WNK1: variants seen among roughly 807,000 people sequenced by gnomAD.
The protein encoded by WNK1 is serine/threonine-protein kinase WNK1.
WNK1 carries 38 observed loss-of-function variants against 222.8 expected under a neutral mutation model. The observed-to-expected ratio is 0.17, with a 90% CI of 0.13 to 0.22. The LOEUF (loss-of-function observed/expected upper bound fraction) is 0.22, where lower values mean the gene tolerates loss of function less well. Ranked by LOEUF, WNK1 falls within the 10% of genes least tolerant of loss-of-function variation. The pLI, the probability that WNK1 is intolerant of heterozygous loss-of-function variation, is 1.00. For missense variants in WNK1, 2,348 were observed against 2,918.4 expected, an observed-to-expected ratio of 0.80 and a Z score of 4.50; for synonymous variants, 1,090 against 1,092.9, an observed-to-expected ratio of 1.00 and a Z score of 0.05.
chr12:843,798 G>A (rs1433966347), intron 4 of WNK1, among the ~76,000 whole-genome samples: 1 of 152,104 alleles, frequency 6.6e-6, no homozygotes, highest in Non-Finnish European at 1.5e-5. Flanking sequence ...TAAAATTTTG[G>A]CCCCATTCCA....
At chr12:867,935 A>C (rs751787202) in intron 8 of WNK1, 2 of 1,613,830 alleles carry the variant, frequency 1.2e-6, no homozygotes, top group Non-Finnish European at 1.7e-6. Context: ...TTTCCCAACT[A>C]TTCATGAACG....
At chr12:869,617 A>G (rs1951969292) in intron 8 of WNK1, among the ~76,000 whole-genome samples, 1 of 152,172 alleles carries the variant, frequency 6.6e-6, no homozygotes, top group African/African-American at 2.4e-5. Context: ...TAAAAAGACA[A>G]AGTATATCAT....
intron 26 of WNK1, among the ~76,000 whole-genome samples, chr12:904,115 G>A (rs1955504309): frequency 6.6e-6 from 1 of 152,190 alleles, no homozygotes; most frequent in Non-Finnish European, 1.5e-5. Context: ...CGCTGCTTGG[G>A]TATTTGAAAT....
chr12:807,366 C>T (rs1423452367), intron 1 of WNK1, among the ~76,000 whole-genome samples: 1 of 150,222 alleles, frequency 6.7e-6, no homozygotes, highest in Admixed American at 6.6e-5. Flanking sequence ...GTGAAAGCCA[C>T]ATCAGGCACA....
chr12:783,490 C>CAAAAAA (rs142291416), intron 1 of WNK1, among the ~76,000 whole-genome samples: 1 of 74,352 alleles, frequency 1.3e-5, no homozygotes, highest in Non-Finnish European at 2.8e-5. Flanking sequence ...CTGTCTCCAC[C>CAAAAAA]AAAAAAAAAA....
In WNK1 at chr12:822,393, G is replaced by T. The variant is rs547713640; in HGVS notation, c.933-4649G>T. On this transcript the variant is annotated intron_variant, in intron 2 of 27. Coordinates refer to ENST00000315939, the MANE Select transcript of WNK1 (RefSeq NM_018979.4). ...CAGGCGTAAGCCACCGCCCGCAGCC[G>T]TAATATATCACATTCCTAGAGACAG... 7.1e-4 allele frequency among the ~76,000 whole-genome samples: 108 copies of T among 152,152 alleles called. 1 individual carries two copies. Among genetic ancestry groups the T allele is most frequent in the African/African-American group, 2.4e-3 (100 of 41,528 alleles).
intron 10 of WNK1, 25 bp from the exon 11 acceptor site, chr12:879,526 TTTTTTTTTTTTAAGCCTGTCTG>T: frequency 9.1e-7 from 1 of 1,093,142 alleles, no homozygotes; most frequent in Non-Finnish European, 1.3e-6. Flanking sequence ...TTTTTTTTTT[TTTTTTTTTTTTAAGCCTGTCTG>T]TTTTGTTTTT....
Position 777,444 on chromosome 12 carries a change from C to T in WNK1, c.759+23120C>T, listed in dbSNP as rs145783687. Among the ~76,000 whole-genome samples, 85 of 152,120 alleles carry T rather than the reference C, an allele frequency of 5.6e-4. No individual in the cohort carries two copies. In the East Asian group the frequency reaches 0.016, roughly 29 times the overall value. On this transcript the variant is annotated intron_variant, in intron 1 of 27. Transcript: ENST00000315939. The stretch of plus-strand genomic sequence containing the variant: ...AAGTGCTGGGATTACAGGTGTGAGC[C>T]ACCGCGCCCAGCCTGGAATTTTTAA...
chr12:804,441 CAGCTCACTGCAACCT>C (rs66732531), intron 1 of WNK1, among the ~76,000 whole-genome samples: 19,464 of 150,434 alleles, frequency 0.13, 1,560 homozygotes, highest in Middle Eastern at 0.21. Context: ...GGCGCGATCT[CAGCTCACTGCAACCT>C]ATGCGTCCCA....
At position 770,480 on chromosome 12, in the gene WNK1, TAC is replaced by T. The variant is rs1355119277; in HGVS notation, c.759+16158_759+16159del. ...TTAAATATATTAATCTGTTTCTTTTTACATTTTTAATGTGACTACTAGAAAAT... is the reference window on the plus strand; with the variant it reads ...TTAAATATATTAATCTGTTTCTTTTTATTTTTAATGTGACTACTAGAAAAT... On this transcript the variant is annotated intron_variant, in intron 1 of 27. Transcript: ENST00000315939. Among the ~76,000 whole-genome samples the T allele has an allele frequency of 2.0e-5, 3 of 152,366 alleles. No homozygotes were observed. In the East Asian group the frequency reaches 5.8e-4, roughly 29 times the overall value.
At chr12:853,310 A>G (rs553996413) in intron 4 of WNK1, among the ~76,000 whole-genome samples, 16 of 152,298 alleles carry the variant, frequency 1.1e-4, no homozygotes, top group Admixed American at 8.5e-4. Context: ...GAGTATTCCT[A>G]TTTGTAAAGT....
At position 885,845 on chromosome 12, in the gene WNK1, T is replaced by C. The variant is rs1565585036; in HGVS notation, c.5041T>C (p.Ser1681Pro). 2 of 1,614,080 alleles carry C rather than the reference T, an allele frequency of 1.2e-6. No individual in the cohort carries two copies. The highest frequency in any genetic ancestry group is 1.7e-6 in the Non-Finnish European group (2 of 1,180,030). The change falls in exon 19 of 28, where the codon TCA (serine) becomes CCA (proline). Residue 1681 changes from serine (S) to proline (P), a missense_variant. By Grantham distance (74) the Ser-to-Pro change is moderately conservative (BLOSUM62 -1). Around this residue, in one of 13 missense-constraint regions of WNK1, gnomAD observed 1,144 missense variants for 1,273.6 expected, o/e 0.90. Transcript: ENST00000315939. ...AQHASVSLET[S>P]LVIESTVTPG... ...GCATGCCTCTGTCTCACTGGAGACCTCACTAGTCATAGAGAGCACTGTCAC... is the reference window on the plus strand; with the variant it reads ...GCATGCCTCTGTCTCACTGGAGACCCCACTAGTCATAGAGAGCACTGTCAC...
intron 26 of WNK1, 189 bp from the exon 27 acceptor site, chr12:907,658 G>C (rs72650802): frequency 1.4e-6 from 1 of 716,708 alleles, no homozygotes; most frequent in Non-Finnish European, 2.4e-6. Flanking sequence ...AAGAGAAACT[G>C]TTTTCATCAC....
chr12:757,357 T>TTACTCC (rs1172181129), intron 1 of WNK1, among the ~76,000 whole-genome samples: 2 of 21,968 alleles, frequency 9.1e-5, no homozygotes, highest in Non-Finnish European at 3.3e-4. Flanking sequence ...GACGGAGTCT[T>TTACTCC]GCTCTATCTC....
chr12:823,873 C>A (rs1277087850), intron 2 of WNK1, among the ~76,000 whole-genome samples: 1 of 150,560 alleles, frequency 6.6e-6, no homozygotes, highest in African/African-American at 2.4e-5. Context: ...ATGGAAGAAC[C>A]TGAAGTGCTT....
intron 8 of WNK1, among the ~76,000 whole-genome samples, chr12:866,602 C>T (rs1258025671): frequency 2.0e-5 from 3 of 152,028 alleles, no homozygotes; most frequent in South Asian, 4.2e-4. Flanking sequence ...CATTGTGATC[C>T]ACCCCCTTCA....
intron 1 of WNK1, among the ~76,000 whole-genome samples, chr12:775,784 A>C (rs1221784047): frequency 6.6e-6 from 1 of 152,166 alleles, no homozygotes; most frequent in African/African-American, 2.4e-5. Context: ...TTTTATATAT[A>C]TTCTCTTTTA....
At chr12:833,561 CG>C (rs1948966958) in intron 4 of WNK1, among the ~76,000 whole-genome samples, 1 of 151,816 alleles carries the variant, frequency 6.6e-6, no homozygotes, top group African/African-American at 2.4e-5. Context: ...ATATACTTAA[CG>C]GTCTTCCTCC....
chr12:824,822 T>C (rs1948224100), intron 2 of WNK1, among the ~76,000 whole-genome samples: 1 of 152,108 alleles, frequency 6.6e-6, no homozygotes. Context: ...AAAAGAAACA[T>C]ACAGTGAGCA....
Sources: gnomAD v4.1 joint callset for allele counts (sites outside exome capture counted in the v4.1 genomes callset) on GRCh38, gnomAD v4.1.1 for gene constraint, gnomAD v4.1.1 regional missense constraint, MANE v1.5 for transcripts, NCBI Gene and HGNC (gene_info 2026-07-23, HGNC 2026-07-21) for gene names.